Variants in MTUS2 observed in about 807,000 individuals in gnomAD.
MTUS2 encodes the protein microtubule-associated tumor suppressor candidate 2.
In MTUS2, 40 loss-of-function variants were observed where a neutral mutation model predicts 114.1. The observed-to-expected ratio is 0.35, with a 90% CI of 0.27 to 0.46. MTUS2 has a LOEUF of 0.46. Among genes scored for constraint, MTUS2 ranks in the 20% least tolerant of loss-of-function variants. MTUS2 has a pLI of 1.00. For synonymous variants in MTUS2, 688 were observed against 672.0 expected, an observed-to-expected ratio of 1.02 and a Z score of -0.37; for missense variants, 1,679 against 1,705.4, an observed-to-expected ratio of 0.98 and a Z score of 0.27.
intron 8 of MTUS2, among the ~76,000 whole-genome samples, chr13:29,369,046 T>C (rs2138287337): frequency 6.6e-6 from 1 of 151,830 alleles, no homozygotes; most frequent in African/African-American, 2.4e-5. Flanking sequence ...CTCTGACAGG[T>C]GAGAGTGATT....
At chr13:28,851,578 T>C (rs887455899) in intron 2 of MTUS2, among the ~76,000 whole-genome samples, 8 of 152,196 alleles carry the variant, frequency 5.3e-5, no homozygotes, top group African/African-American at 1.9e-4. Context: ...AGAGGAAATA[T>C]AGATGAGTAT....
intron 9 of MTUS2, among the ~76,000 whole-genome samples, chr13:29,465,777 T>C (rs1212977773): frequency 6.6e-6 from 1 of 152,194 alleles, no homozygotes; most frequent in African/African-American, 2.4e-5. Context: ...CATAAATACA[T>C]TTAATCCTGG....
chr13:29,132,728 A>G (rs1891818844), intron 5 of MTUS2, among the ~76,000 whole-genome samples: 1 of 152,220 alleles, frequency 6.6e-6, no homozygotes, highest in South Asian at 2.1e-4. Flanking sequence ...TTGTATGCAT[A>G]GACCATATTT....
At chr13:29,284,039 G>A (rs1898377999) in intron 6 of MTUS2, among the ~76,000 whole-genome samples, 1 of 152,244 alleles carries the variant, frequency 6.6e-6, no homozygotes. Flanking sequence ...TTTATTCTTT[G>A]ACATAATAGT....
In MTUS2 at chr13:29,062,150, A is replaced by G. The variant is rs147508875; in HGVS notation, c.2446+28025A>G. On this transcript the variant is annotated intron_variant, in intron 4 of 15. Coordinates refer to ENST00000612955, the MANE Select transcript of MTUS2 (RefSeq NM_001033602.4). Reference sequence around the variant, plus strand: ...CAGGTGCGCATCATCATGCCTGGCTAATTTTTGTATTTTTTGGTAGAGACG... The same window carrying G: ...CAGGTGCGCATCATCATGCCTGGCTGATTTTTGTATTTTTTGGTAGAGACG... Among the ~76,000 whole-genome samples the G allele has an allele frequency of 5.8e-4, 88 of 152,032 alleles. 2 individuals are homozygous for G. The East Asian group carries it at 0.016, about 28-fold the overall frequency.
chr13:28,866,089 T>C (rs1304846127), intron 2 of MTUS2, among the ~76,000 whole-genome samples: 2 of 152,204 alleles, frequency 1.3e-5, no homozygotes, highest in African/African-American at 4.8e-5. Context: ...TAAATTTTCA[T>C]GAGGACAGGA....
At chr13:29,388,611 T>C (rs1385694686) in intron 8 of MTUS2, among the ~76,000 whole-genome samples, 3 of 152,008 alleles carry the variant, frequency 2.0e-5, no homozygotes, top group Admixed American at 2.0e-4. Flanking sequence ...ATTTAGACTT[T>C]CCTGCTGGGA....
intron 5 of MTUS2, among the ~76,000 whole-genome samples, chr13:29,187,724 A>G (rs953818693): frequency 1.3e-5 from 2 of 151,986 alleles, no homozygotes; most frequent in African/African-American, 4.8e-5. Flanking sequence ...ATTAACAGGC[A>G]CTCCCCAGGA....
At chr13:29,140,658 C>T (rs1429307896) in intron 5 of MTUS2, among the ~76,000 whole-genome samples, 1 of 152,116 alleles carries the variant, frequency 6.6e-6, no homozygotes, top group Non-Finnish European at 1.5e-5. Flanking sequence ...GTTTTTTTCA[C>T]CTCTGCCTGC....
rs570430168 is a variant in MTUS2, at chr13:29,012,141, C to A, written c.-242-12316C>A. Among the ~76,000 whole-genome samples, 4 of 152,266 alleles carry A rather than the reference C, an allele frequency of 2.6e-5. No individual in the cohort carries two copies. The East Asian group carries it at 7.7e-4, about 29-fold the overall frequency. ...GGTCCTGTGCCACCTCCATCCATTCCGTGAGTCTAAGGCGTATGGAAGAGA... is the reference window on the plus strand; with the variant it reads ...GGTCCTGTGCCACCTCCATCCATTCAGTGAGTCTAAGGCGTATGGAAGAGA... On this transcript the variant is annotated intron_variant, in intron 2 of 15. Coordinates refer to ENST00000612955, the MANE Select transcript of MTUS2 (RefSeq NM_001033602.4).
chr13:29,060,718 A>G (rs1020270615), intron 4 of MTUS2, among the ~76,000 whole-genome samples: 4 of 150,858 alleles, frequency 2.7e-5, no homozygotes, highest in South Asian at 2.1e-4. Flanking sequence ...TGGTTTTAAT[A>G]TGCCATCTTG....
intron 1 of MTUS2, among the ~76,000 whole-genome samples, chr13:28,830,563 TCGGCAAACTTGAAAATAAA>T (rs1434150252): frequency 6.6e-6 from 1 of 151,716 alleles, no homozygotes; most frequent in Admixed American, 6.6e-5. Flanking sequence ...GAAGAAAGAA[TCGGCAAACTTGAAAATAAA>T]TCAATTGAAA....
chr13:29,386,759 T>C (rs1181699964), intron 8 of MTUS2, among the ~76,000 whole-genome samples: 1 of 152,178 alleles, frequency 6.6e-6, no homozygotes, highest in African/African-American at 2.4e-5. Context: ...TAAGAGTAAC[T>C]CCAATTAGCC....
intron 2 of MTUS2, among the ~76,000 whole-genome samples, chr13:28,964,053 A>C (rs1002545075): frequency 6.6e-6 from 1 of 152,164 alleles, no homozygotes; most frequent in African/African-American, 2.4e-5. Context: ...CAAAATTCTA[A>C]CCTCTAGCCC....
chr13:29,232,159 T>G (rs994008293), intron 5 of MTUS2, among the ~76,000 whole-genome samples: 3 of 152,174 alleles, frequency 2.0e-5, no homozygotes, highest in Admixed American at 2.0e-4. Flanking sequence ...GATCTTCTGC[T>G]TTTATTAATA....
chr13:29,341,582 C>G (rs1040621334), intron 7 of MTUS2, among the ~76,000 whole-genome samples: 2 of 152,084 alleles, frequency 1.3e-5, no homozygotes, highest in Non-Finnish European at 2.9e-5. Flanking sequence ...TTTTCTCCCA[C>G]TCTGAGGGAT....
At chr13:28,846,138 T>C (rs1329002850) in intron 2 of MTUS2, among the ~76,000 whole-genome samples, 1 of 151,960 alleles carries the variant, frequency 6.6e-6, no homozygotes, top group Non-Finnish European at 1.5e-5. Context: ...GCTTGAGTTA[T>C]AGCCTGGCAC....
chr13:29,079,987 G>A (rs980117924), intron 4 of MTUS2, among the ~76,000 whole-genome samples: 3 of 152,196 alleles, frequency 2.0e-5, no homozygotes, highest in African/African-American at 7.2e-5. Flanking sequence ...AATTTGGGGA[G>A]TATTGCCATC....
chr13:28,854,852 C>T (rs577504996), intron 2 of MTUS2, among the ~76,000 whole-genome samples: 1 of 152,286 alleles, frequency 6.6e-6, no homozygotes, highest in South Asian at 2.1e-4. Context: ...CGTGGCGTGT[C>T]CAGTAGCAGC....
Sources: gnomAD v4.1 joint callset for allele counts (sites outside exome capture counted in the v4.1 genomes callset) on GRCh38, gnomAD v4.1.1 for gene constraint, MANE v1.5 for transcripts, NCBI Gene and HGNC (gene_info 2026-07-23, HGNC 2026-07-21) for gene names.